Variants in ADGRV1 observed in about 807,000 individuals in gnomAD.
ADGRV1 encodes the protein adhesion G protein-coupled receptor V1.
ADGRV1 carries 359 observed loss-of-function variants against 596.2 expected under a neutral mutation model. That is an observed-to-expected ratio of 0.60 (90% confidence interval 0.55 to 0.66). ADGRV1 has a LOEUF of 0.66. ADGRV1 is among the 30% of genes least tolerant of loss of function. The probability of loss-of-function intolerance (pLI) is 0.00; values close to 1 mark genes in which losing one functional copy is unlikely to be tolerated. For synonymous variants in ADGRV1, 2,681 were observed against 2,679.2 expected (o/e 1.00, Z -0.02); for missense variants, 7,274 against 7,575.6 (o/e 0.96, Z 1.48).
intron 85 of ADGRV1, among the ~76,000 whole-genome samples, chr5:91,018,255 G>T (rs950855404): frequency 8.6e-5 from 13 of 152,026 alleles, no homozygotes; most frequent in Middle Eastern, 3.4e-3. Flanking sequence ...AATTCTCCCT[G>T]CCCTTAAATA....
chr5:90,733,845 A>G (rs1752867903), intron 50 of ADGRV1, among the ~76,000 whole-genome samples: 1 of 152,206 alleles, frequency 6.6e-6, no homozygotes, highest in Non-Finnish European at 1.5e-5. Flanking sequence ...ATTATTGATT[A>G]TAGTCACCCT....
chr5:90,692,478 CCA>C, intron 31 of ADGRV1, 125 bp from the exon 32 acceptor site: 1 of 682,002 alleles, frequency 1.5e-6, no homozygotes, highest in South Asian at 2.2e-5. Context: ...TTCTTTTAGT[CCA>C]TTTATATTTC....
intron 31 of ADGRV1, among the ~76,000 whole-genome samples, chr5:90,691,933 T>C (rs1746531961): frequency 6.6e-6 from 1 of 152,188 alleles, no homozygotes; most frequent in East Asian, 1.9e-4. Flanking sequence ...ATCACTAACA[T>C]ACATTGGCTG....
chr5:90,892,821 T>A (rs1770947812), intron 83 of ADGRV1, among the ~76,000 whole-genome samples: 1 of 152,230 alleles, frequency 6.6e-6, no homozygotes, highest in African/African-American at 2.4e-5. Flanking sequence ...TAATTCTAAA[T>A]GATTTTTCTA....
intron 69 of ADGRV1, 103 bp from the exon 70 acceptor site, chr5:90,790,770 T>C: frequency 1.4e-6 from 1 of 735,870 alleles, no homozygotes; most frequent in Non-Finnish European, 2.1e-6. Flanking sequence ...GATGCACAAT[T>C]ATATTTTTTT....
At chr5:90,975,418 A>G (rs966593878) in intron 84 of ADGRV1, among the ~76,000 whole-genome samples, 1 of 152,222 alleles carries the variant, frequency 6.6e-6, no homozygotes, top group Non-Finnish European at 1.5e-5. Flanking sequence ...TTATTGTGGC[A>G]CTATTCACAA....
intron 83 of ADGRV1, among the ~76,000 whole-genome samples, chr5:90,867,745 A>C (rs1434023253): frequency 6.6e-6 from 1 of 152,180 alleles, no homozygotes; most frequent in East Asian, 1.9e-4. Context: ...TTGAAGACAC[A>C]TATGTAACAA....
intron 85 of ADGRV1, among the ~76,000 whole-genome samples, chr5:91,040,476 T>A (rs772219360): frequency 1.3e-5 from 2 of 152,190 alleles, no homozygotes; most frequent in Non-Finnish European, 2.9e-5. Context: ...TCTAAAATAT[T>A]TGCTAAGTAT....
At chr5:90,823,364 A>T in intron 75 of ADGRV1, 61 bp from the exon 76 acceptor site, 2 of 1,503,108 alleles carry the variant, frequency 1.3e-6, no homozygotes. Context: ...TTGATAATAA[A>T]CTCTATTAGA....
chr5:90,797,185 TAA>T, intron 70 of ADGRV1, among the ~76,000 whole-genome samples: 1 of 143,376 alleles, frequency 7.0e-6, no homozygotes, highest in East Asian at 2.1e-4. Flanking sequence ...CCAAATTGGA[TAA>T]AGAGTCAAGA....
chr5:90,779,416 T>A (rs1385979664), intron 64 of ADGRV1: 2 of 169,320 alleles, frequency 1.2e-5, no homozygotes, highest in Non-Finnish European at 1.3e-5. Flanking sequence ...GCTCTCTAAA[T>A]CAGAGGTCAG....
At chr5:90,822,759 A>G (rs1159898551) in intron 75 of ADGRV1, among the ~76,000 whole-genome samples, 4 of 152,274 alleles carry the variant, frequency 2.6e-5, no homozygotes, top group South Asian at 2.1e-4. Context: ...TCCTACCCAT[A>G]AGCATGGAAT....
At chr5:91,004,145 G>A (rs1203943930) in intron 85 of ADGRV1, among the ~76,000 whole-genome samples, 1 of 152,122 alleles carries the variant, frequency 6.6e-6, no homozygotes, top group African/African-American at 2.4e-5. Context: ...GATGGGGGAA[G>A]GCTACCTGTA....
At chr5:90,688,851 A>C (rs1280218020) in intron 29 of ADGRV1, among the ~76,000 whole-genome samples, 2 of 152,222 alleles carry the variant, frequency 1.3e-5, no homozygotes, top group African/African-American at 2.4e-5. Context: ...ACATGCTTTC[A>C]GTGCTTGGCA....
chr5:91,160,564 G>C (rs1436197785), intron 89 of ADGRV1, among the ~76,000 whole-genome samples: 2 of 152,128 alleles, frequency 1.3e-5, no homozygotes, highest in African/African-American at 2.4e-5. Context: ...ATTACTTTTA[G>C]TTCCTTTATA....
chr5:90,829,836 A>G (rs1169983027), intron 77 of ADGRV1, among the ~76,000 whole-genome samples: 1 of 151,728 alleles, frequency 6.6e-6, no homozygotes, highest in African/African-American at 2.4e-5. Context: ...ATCTGTCCCT[A>G]CTCTGCTTGA....
At chr5:90,703,585 T>G in intron 34 of ADGRV1, 80 bp from the exon 35 acceptor site, 1 of 1,024,838 alleles carries the variant, frequency 9.8e-7, no homozygotes, top group Non-Finnish European at 1.4e-6. Context: ...GTTGCATGCT[T>G]GGGATTTGGG....
intron 83 of ADGRV1, among the ~76,000 whole-genome samples, chr5:90,943,082 G>A (rs1220058100): frequency 6.6e-6 from 1 of 152,096 alleles, no homozygotes; most frequent in Non-Finnish European, 1.5e-5. Context: ...GGGTGCTTTG[G>A]CTAGGGGGAC....
Position 90,683,901 on chromosome 5 carries a change from A to G in ADGRV1, c.5980A>G (p.Thr1994Ala), listed in dbSNP as rs1422752762. Residue 1994 changes from threonine (T) to alanine (A), a missense_variant, in exon 28 of 90, where the codon ACC (threonine) becomes GCC (alanine). Transcript: ENST00000405460. ...CAGACCTGTTAAAGTTGAGGAAGCA[A>G]CCCAGAACATCACACTATCAATAAT... ...KNRPVKVEEATQNITLSIIRL... is the reference protein window; with the variant it reads ...KNRPVKVEEAAQNITLSIIRL... 1 of 1,613,624 alleles carries G rather than the reference A, an allele frequency of 6.2e-7. No individual in the cohort carries two copies. The highest frequency in any genetic ancestry group is 8.5e-7 in the Non-Finnish European group (1 of 1,179,734).
Sources: allele counts gnomAD v4.1 joint callset (sites outside exome capture counted in the v4.1 genomes callset), GRCh38; gene constraint gnomAD v4.1.1; transcripts MANE v1.5; gene names NCBI Gene and HGNC (gene_info 2026-07-23, HGNC 2026-07-21).